PID1: variants seen among roughly 807,000 people sequenced by gnomAD.
PID1 encodes the protein phosphotyrosine interaction domain containing 1, also known as PTB-containing, cubilin and LRP1-interacting protein.
Under a neutral mutation model 19.1 loss-of-function variants are expected in PID1, and 10 were observed. The observed-to-expected ratio is 0.52, with a 90% CI of 0.32 to 0.89. PID1 has a LOEUF of 0.89. PID1 is among the 40% of genes least tolerant of loss of function. PID1 has a pLI of 0.03. For missense variants in PID1, 248 were observed against 285.3 expected, an observed-to-expected ratio of 0.87 and a Z score of 0.94; for synonymous variants, 130 against 116.0, an observed-to-expected ratio of 1.12 and a Z score of -0.78.
chr2:229,128,692 T>A (rs966476224), intron 2 of PID1, among the ~76,000 whole-genome samples: 1 of 152,194 alleles, frequency 6.6e-6, no homozygotes, highest in Non-Finnish European at 1.5e-5. Flanking sequence ...GCATTGAATG[T>A]CTATTATTTC....
chr2:229,151,879 T>TA (rs1690263986), intron 2 of PID1, among the ~76,000 whole-genome samples: 1 of 152,190 alleles, frequency 6.6e-6, no homozygotes, highest in African/African-American at 2.4e-5. Context: ...TATTTTTTTT[T>TA]ATTACTATGG....
chr2:229,186,568 T>G (rs1470119131), intron 1 of PID1, among the ~76,000 whole-genome samples: 1 of 152,164 alleles, frequency 6.6e-6, no homozygotes, highest in African/African-American at 2.4e-5. Flanking sequence ...CCCCTTTCAG[T>G]CACAGCTGGA....
intron 2 of PID1, among the ~76,000 whole-genome samples, chr2:229,107,131 C>A (rs1245711261): frequency 6.6e-6 from 1 of 152,042 alleles, no homozygotes; most frequent in South Asian, 2.1e-4. Flanking sequence ...CCAGAAGCCA[C>A]CAGAAGCTGG....
chr2:229,228,527 G>T (rs1396454567), intron 1 of PID1, among the ~76,000 whole-genome samples: 1 of 152,108 alleles, frequency 6.6e-6, no homozygotes, highest in Non-Finnish European at 1.5e-5. Context: ...TTTTTTAAAA[G>T]CATGGTGAGA....
chr2:229,263,103 T>C (rs1240175498), intron 1 of PID1, among the ~76,000 whole-genome samples: 1 of 152,226 alleles, frequency 6.6e-6, no homozygotes, highest in Non-Finnish European at 1.5e-5. Context: ...ATCTGAATTT[T>C]GGTCCCTTAG....
At chr2:229,192,710 G>T (rs1691287213) in intron 1 of PID1, among the ~76,000 whole-genome samples, 1 of 152,166 alleles carries the variant, frequency 6.6e-6, no homozygotes, top group African/African-American at 2.4e-5. Context: ...CAAGGATGAT[G>T]TGGTGTTTAA....
chr2:229,169,267 G>A (rs950349075), intron 1 of PID1, among the ~76,000 whole-genome samples: 1 of 152,122 alleles, frequency 6.6e-6, no homozygotes, highest in Non-Finnish European at 1.5e-5. Context: ...TTCATTTGTA[G>A]CCTCTTTTGG....
chr2:229,112,034 C>A (rs1695307655), intron 2 of PID1, among the ~76,000 whole-genome samples: 1 of 152,198 alleles, frequency 6.6e-6, no homozygotes, highest in South Asian at 2.1e-4. Flanking sequence ...TTCAGAGCTG[C>A]ACGACAGTAA....
chr2:229,104,797 A>T (rs758315838), intron 2 of PID1, among the ~76,000 whole-genome samples: 1 of 152,250 alleles, frequency 6.6e-6, no homozygotes, highest in Non-Finnish European at 1.5e-5. Flanking sequence ...CTGACTTATA[A>T]GGATGGAATG....
At chr2:229,052,685 G>A (rs531958727) in intron 2 of PID1, among the ~76,000 whole-genome samples, 37 of 150,804 alleles carry the variant, frequency 2.5e-4, no homozygotes, top group Non-Finnish European at 4.7e-4. Flanking sequence ...TAATTTGACC[G>A]GTGGGAAATG....
At chr2:229,046,962 T>C (rs981203206) in intron 2 of PID1, among the ~76,000 whole-genome samples, 1 of 152,180 alleles carries the variant, frequency 6.6e-6, no homozygotes, top group African/African-American at 2.4e-5. Flanking sequence ...ATGCAAATAA[T>C]GTGGCAAGAT....
At chr2:229,168,068 GT>G (rs1289913774) in intron 1 of PID1, among the ~76,000 whole-genome samples, 3 of 152,012 alleles carry the variant, frequency 2.0e-5, no homozygotes, top group Non-Finnish European at 4.4e-5. Flanking sequence ...TATGTCTTTT[GT>G]TTGTGACTGC....
At chr2:229,231,337 C>A (rs985903681) in intron 1 of PID1, among the ~76,000 whole-genome samples, 1 of 152,142 alleles carries the variant, frequency 6.6e-6, no homozygotes, top group Non-Finnish European at 1.5e-5. Context: ...TTCATCCAAG[C>A]ACCACAATTG....
At chr2:229,214,222 G>T (rs370459183) in intron 1 of PID1, among the ~76,000 whole-genome samples, 2 of 152,148 alleles carry the variant, frequency 1.3e-5, no homozygotes, top group East Asian at 1.9e-4. Context: ...AAAGTAGCTT[G>T]CCCAACAGCA....
chr2:229,104,296 GCC>G (rs1695131726), intron 2 of PID1, among the ~76,000 whole-genome samples: 1 of 152,142 alleles, frequency 6.6e-6, no homozygotes, highest in Admixed American at 6.5e-5. Flanking sequence ...GCCTGACAAA[GCC>G]ACACTGTAAA....
intron 1 of PID1, among the ~76,000 whole-genome samples, chr2:229,176,793 G>C (rs777428022): frequency 1.3e-5 from 2 of 152,152 alleles, no homozygotes; most frequent in African/African-American, 4.8e-5. Context: ...CCAGCAGTAG[G>C]TGAAGAAAGA....
chr2:229,045,496 T>C (rs780292639), intron 2 of PID1, among the ~76,000 whole-genome samples: 57 of 152,358 alleles, frequency 3.7e-4, no homozygotes, highest in Non-Finnish European at 6.2e-4. Context: ...GTGGCTTGAC[T>C]TGTGTCCATG....
intron 2 of PID1, among the ~76,000 whole-genome samples, chr2:229,146,507 T>A (rs1420115100): frequency 1.3e-5 from 2 of 150,478 alleles, no homozygotes; most frequent in Non-Finnish European, 1.5e-5. Flanking sequence ...TAAAAAAAAA[T>A]TATGAACTGT....
At chr2:229,134,068 C>T (rs979744046) in intron 2 of PID1, among the ~76,000 whole-genome samples, 4 of 152,068 alleles carry the variant, frequency 2.6e-5, no homozygotes, top group African/African-American at 9.7e-5. Flanking sequence ...AAAGTACCTC[C>T]AGACATTGCC....
Sources: gnomAD v4.1 joint callset for allele counts (sites outside exome capture counted in the v4.1 genomes callset) on GRCh38, gnomAD v4.1.1 for gene constraint, MANE v1.5 for transcripts, NCBI Gene and HGNC (gene_info 2026-07-23, HGNC 2026-07-21) for gene names.